The following TUB variants were observed in gnomAD, a reference collection of about 807,000 sequenced individuals.
TUB encodes the protein tubby protein homolog.
TUB carries 33 observed loss-of-function variants against 59.7 expected under a neutral mutation model. That is an observed-to-expected ratio of 0.55 (90% CI 0.42 to 0.74). The LOEUF is 0.74. Among genes scored for constraint, TUB ranks in the 30% least tolerant of loss-of-function variants. The pLI is 0.00. For synonymous variants in TUB, 293 were observed against 256.4 expected (o/e 1.14, Z -1.36); for missense variants, 659 against 672.0 (o/e 0.98, Z 0.21).
chr11:8,067,807 T>TCA (rs1943275242), intron 2 of TUB: 2 of 152,390 alleles, frequency 1.3e-5, no homozygotes, highest in Non-Finnish European at 2.9e-5. Flanking sequence ...TTCCCTCTCC[T>TCA]CACACATCCT....
Position 8,106,030 on chromosome 11 carries a change from C to G in TUB, c.*4411C>G, listed in dbSNP as rs1944591272. 6.6e-6 allele frequency: 1 copy of G among 151,842 alleles called. No homozygotes were observed. The highest frequency in any genetic ancestry group is 1.5e-5 in the Non-Finnish European group (1 of 67,698). 9.4% of individuals were successfully genotyped at this position (151,842 alleles called of 1,614,324 possible). On this transcript the variant is annotated 3_prime_UTR_variant, in exon 12 of 12. Transcript: ENST00000299506. ...AGTGGTCAGACATTTTATTTTTGTTCAAGATTATCTGGCGTTTTAGACAAA... is the reference window on the plus strand; with the variant it reads ...AGTGGTCAGACATTTTATTTTTGTTGAAGATTATCTGGCGTTTTAGACAAA...
At chr11:8,101,020 A>G (rs1195230712) in intron 11 of TUB, 23 bp downstream of exon 11, 1 of 1,613,616 alleles carries the variant, frequency 6.2e-7, no homozygotes, top group East Asian at 2.2e-5. Flanking sequence ...GTCCCTACTC[A>G]TTATGGTCCG....
chr11:8,032,111 G>A (rs1942582268), intron 1 of TUB, among the ~76,000 whole-genome samples: 5 of 151,792 alleles, frequency 3.3e-5, no homozygotes, highest in Admixed American at 3.3e-4. Flanking sequence ...TCCCGCCTGG[G>A]GAAAGGCCGG....
chr11:8,026,206 C>T (rs983963126), intron 1 of TUB, among the ~76,000 whole-genome samples: 3 of 152,130 alleles, frequency 2.0e-5, no homozygotes, highest in Admixed American at 6.6e-5. Flanking sequence ...GGATGCATCT[C>T]CTTTATCAGA....
At chr11:8,031,078 G>A (rs1942564751) in intron 1 of TUB, among the ~76,000 whole-genome samples, 1 of 152,224 alleles carries the variant, frequency 6.6e-6, no homozygotes, top group Admixed American at 6.5e-5. Flanking sequence ...CTGAGTGTGT[G>A]CATCAGTAAG....
chr11:8,039,309 C>T (rs140405079), intron 1 of TUB, among the ~76,000 whole-genome samples: 572 of 152,274 alleles, frequency 3.8e-3, no homozygotes, highest in Admixed American at 7.1e-3. Context: ...TCCAGGGCTC[C>T]GGCAGCTCCA....
At position 8,096,797 on chromosome 11, in the gene TUB, G is replaced by C; in HGVS notation, c.678G>C (p.Lys226Asn). ...NTRPSSATSR[K>N]SVREAASAPS... Reference sequence around the variant, plus strand: ...GCCCCAGCTCTGCTACTAGCAGGAAGTCCGTCAGGGTGAGTGAGTGAGTCT... The same window carrying C: ...GCCCCAGCTCTGCTACTAGCAGGAACTCCGTCAGGGTGAGTGAGTGAGTCT... Residue 226 changes from lysine (K) to asparagine (N), a missense_variant, in exon 6 of 12, where the codon AAG becomes AAC. By Grantham distance (94) the Lys-to-Asn change is moderately conservative. Around this residue, in one of 3 missense-constraint regions of TUB, gnomAD observed 321 missense variants for 304.3 expected, o/e 1.05. Coordinates refer to ENST00000299506, the MANE Select transcript of TUB (RefSeq NM_177972.3). 1 of 1,614,178 alleles carries C rather than the reference G, an allele frequency of 6.2e-7. No individual in the cohort carries two copies. The highest frequency in any genetic ancestry group is 8.5e-7 in the Non-Finnish European group (1 of 1,180,008).
rs1291565080 is a variant in TUB at position 8,104,397 on chromosome 11, T to C, written c.*2778T>C. Reference sequence around the variant, plus strand: ...TCCAAGTCTAGCTTTCCTTTCCTTCTGGCTCCAAGGTGCTCTGTGTCCGTC... The same window carrying C: ...TCCAAGTCTAGCTTTCCTTTCCTTCCGGCTCCAAGGTGCTCTGTGTCCGTC... On this transcript the variant is annotated 3_prime_UTR_variant, in exon 12 of 12. Coordinates refer to ENST00000299506, the MANE Select transcript of TUB (RefSeq NM_177972.3). 1.3e-5 allele frequency: 2 copies of C among 152,360 alleles called. No homozygotes were observed. Among genetic ancestry groups the C allele is most frequent in the Non-Finnish European group, 2.9e-5 (2 of 68,122 alleles). 9.4% of individuals were successfully genotyped at this position (152,360 alleles called of 1,614,324 possible). A position where few individuals can be genotyped will look rare whatever the true frequency, so the allele number is the denominator to read the frequency against.
chr11:8,098,876 G>GT lies in TUB; in HGVS notation c.1116+2dup. On this transcript the variant is annotated splice_donor_variant, in intron 9 of 11. Transcript: ENST00000299506. LOFTEE classifies it high-confidence loss of function. Reference sequence around the variant, plus strand: ...TCAGGAGCTGGCAGCTGTGTGCTACGTGAGTCCTAGGTTCGGGGGTCTCTG... The same window carrying GT: ...TCAGGAGCTGGCAGCTGTGTGCTACGTTGAGTCCTAGGTTCGGGGGTCTCTG... The GT allele has an allele frequency of 6.2e-7, 1 of 1,608,736 alleles. No individual in the cohort carries two copies. The highest frequency in any genetic ancestry group is 8.5e-7 in the Non-Finnish European group (1 of 1,175,172).
intron 1 of TUB, 49 bp from the exon 2 acceptor site, chr11:8,089,561 T>A: frequency 6.2e-7 from 1 of 1,609,628 alleles, no homozygotes. Context: ...GGGCTGTATA[T>A]CCTGGCACCT....
intron 1 of TUB, among the ~76,000 whole-genome samples, chr11:8,027,340 A>G (rs911292449): frequency 2.4e-4 from 37 of 152,222 alleles, no homozygotes; most frequent in African/African-American, 4.1e-4. Context: ...CCTATTTTAG[A>G]TATTTCGTAT....
chr11:8,096,944 C>G (rs1424869337), intron 6 of TUB, 138 bp downstream of exon 6: 8 of 1,033,488 alleles, frequency 7.7e-6, no homozygotes, highest in Non-Finnish European at 1.0e-5. Flanking sequence ...ACCTTGCCTC[C>G]TAACCTCTTC....
intron 2 of TUB, among the ~76,000 whole-genome samples, chr11:8,056,991 C>A (rs1310456788): frequency 6.6e-6 from 1 of 152,062 alleles, no homozygotes; most frequent in Non-Finnish European, 1.5e-5. Context: ...GAAACTGAGG[C>A]CCACAGAGTG....
rs567003794 is a variant in TUB at position 8,028,836 on chromosome 11, C to T, written c.56+9478C>T. 1.2e-4 allele frequency among the ~76,000 whole-genome samples: 19 copies of T among 152,116 alleles called. No individual in the cohort carries two copies. The South Asian group carries it at 3.9e-3, about 32-fold the overall frequency. ...ACCAGCCTGGACAACGTAGTGAGAC[C>T]CTGTCTCCATAAAATTTATTTTTTA... is the stretch of plus-strand genomic sequence containing the variant. On this transcript the variant is annotated intron_variant, in intron 1 of 11. Coordinates refer to the TUB transcript ENST00000534099.
At chr11:8,038,797 A>G (rs1293010981) in exon 1 of TUB, 13 of 1,553,084 alleles carry the variant, frequency 8.4e-6, no homozygotes, top group East Asian at 2.3e-5. Flanking sequence ...AATACAGGGA[A>G]TTTCAACAGG....
At chr11:8,068,728 G>C (rs748213005) in intron 2 of TUB, 1 of 152,442 alleles carries the variant, frequency 6.6e-6, no homozygotes, top group Admixed American at 6.5e-5. Context: ...TGCCCCCACG[G>C]GTCTTCACCT....
At chr11:8,085,086 G>A (rs550929256) in intron 1 of TUB, among the ~76,000 whole-genome samples, 66 of 152,222 alleles carry the variant, frequency 4.3e-4, no homozygotes, top group Non-Finnish European at 8.2e-4. Flanking sequence ...GACGCCTTCC[G>A]TTCTGCTGCT....
chr11:8,103,494 G>C lies in TUB; in HGVS notation c.*1875G>C, dbSNP rs1470365792. ...TATGCTCTCATTTCTTTGTAATCTA[G>C]ATTTTCCTATGTTGAATGCTTAAAG... On this transcript the variant is annotated 3_prime_UTR_variant, in exon 12 of 12. Coordinates refer to ENST00000299506, the MANE Select transcript of TUB (RefSeq NM_177972.3). 2 of 152,558 alleles carry C rather than the reference G, an allele frequency of 1.3e-5. No homozygotes were observed. The highest frequency in any genetic ancestry group is 4.8e-5 in the African/African-American group (2 of 41,426). The allele number at this position is 152,558 out of a possible 1,614,324, so 9.5% of individuals were successfully genotyped here. A position where few individuals can be genotyped will look rare whatever the true frequency, so the allele number is the denominator to read the frequency against.
Position 8,038,922 on chromosome 11 carries a change from G to A in TUB, c.49G>A (p.Glu17Lys), listed in dbSNP as rs144469939. ...TTCTTTCTGGGTTTCTTTCTTTGCC[G>A]AGACAGGGATTTTGTTCCCAGGAGG... The change falls in exon 1 of 13, where the codon GAG becomes AAG. Residue 17 changes from glutamate to lysine, a missense_variant. Coordinates refer to the TUB transcript ENST00000305253. 3.0e-5 allele frequency: 48 copies of A among 1,613,750 alleles called. No homozygotes were observed. Among genetic ancestry groups the A allele is most frequent in the Middle Eastern group, 1.6e-4 (1 of 6,080 alleles).
Sources: gnomAD v4.1 joint callset for allele counts (sites outside exome capture counted in the v4.1 genomes callset) on GRCh38, gnomAD v4.1.1 for gene constraint, gnomAD v4.1.1 regional missense constraint, MANE v1.5 for transcripts, NCBI Gene and HGNC (gene_info 2026-07-23, HGNC 2026-07-21) for gene names.